The following PHKB variants were observed in gnomAD, a reference collection of about 807,000 sequenced individuals.
PHKB encodes phosphorylase kinase regulatory subunit beta.
PHKB carries 122 observed loss-of-function variants against 152.1 expected under a neutral mutation model. The observed-to-expected ratio is 0.80, with a 90% confidence interval of 0.69 to 0.93. The LOEUF is 0.93. Ranked by LOEUF, PHKB falls within the 40% of genes least tolerant of loss-of-function variation. The pLI is 0.00. For synonymous variants in PHKB, 436 were observed against 464.9 expected (o/e 0.94, Z 0.80); for missense variants, 1,304 against 1,328.4 (o/e 0.98, Z 0.29).
chr16:47,537,119 G>C (rs559689461), intron 6 of PHKB, among the ~76,000 whole-genome samples: 17 of 152,306 alleles, frequency 1.1e-4, no homozygotes, highest in African/African-American at 2.4e-4. Context: ...AAACTTTTTT[G>C]ATTAAAGAAG....
intron 8 of PHKB, among the ~76,000 whole-genome samples, chr16:47,581,932 G>A (rs551585536): frequency 1.3e-5 from 2 of 152,188 alleles, no homozygotes; most frequent in African/African-American, 2.4e-5. Context: ...CACCCATCTC[G>A]GCCTCCCAAA....
chr16:47,666,420 T>C (rs1305300405), intron 25 of PHKB, among the ~76,000 whole-genome samples: 1 of 152,192 alleles, frequency 6.6e-6, no homozygotes, highest in Non-Finnish European at 1.5e-5. Context: ...TTAGAAAGCA[T>C]GGTGTTCATG....
At chr16:47,505,611 C>T (rs767059642) in intron 4 of PHKB, 2 of 152,164 alleles carry the variant, frequency 1.3e-5, no homozygotes, top group Non-Finnish European at 2.9e-5. Flanking sequence ...TTCTAGACCC[C>T]GTGTTTCAGA....
chr16:47,652,609 G>A (rs1481718446), intron 20 of PHKB, among the ~76,000 whole-genome samples: 11 of 151,750 alleles, frequency 7.2e-5, no homozygotes, highest in Admixed American at 2.0e-4. Flanking sequence ...ATGGTATCTC[G>A]TTGTGGGTTG....
At chr16:47,540,336 A>G (rs540575834) in intron 6 of PHKB, among the ~76,000 whole-genome samples, 48 of 149,940 alleles carry the variant, frequency 3.2e-4, no homozygotes, top group African/African-American at 1.1e-3. Context: ...TATCAAGACA[A>G]TACGTGCACA....
In PHKB at chr16:47,461,389, G is replaced by T; in HGVS notation, c.39G>T (p.Trp13Cys). 6.2e-7 allele frequency: 1 copy of T among 1,613,116 alleles called. No homozygotes were observed. Among genetic ancestry groups the T allele is most frequent in the Non-Finnish European group, 8.5e-7 (1 of 1,179,790 alleles). ...CGGGACTCACGGCAGAAGTGAGCTGGAAGGTCTTGGAGCGAAGAGCTCGGA... is the reference window on the plus strand; with the variant it reads ...CGGGACTCACGGCAGAAGTGAGCTGTAAGGTCTTGGAGCGAAGAGCTCGGA... Reference protein sequence around the residue: ...GAAGLTAEVSWKVLERRARTK... With the variant: ...GAAGLTAEVSCKVLERRARTK... The change falls in exon 1 of 31, where the codon TGG becomes TGT. Residue 13 changes from tryptophan (W) to cysteine (C), a missense_variant. Physicochemically the swap from Trp to Cys is radical, Grantham distance 215 (BLOSUM62 -2). Coordinates refer to ENST00000323584, the MANE Select transcript of PHKB (RefSeq NM_000293.3).
chr16:47,471,535 G>A (rs1597010348), intron 1 of PHKB, among the ~76,000 whole-genome samples: 1 of 152,150 alleles, frequency 6.6e-6, no homozygotes, highest in African/African-American at 2.4e-5. Context: ...GCACCATGCT[G>A]GGTGCATAGG....
At chr16:47,520,639 G>T (rs1017096234) in intron 6 of PHKB, among the ~76,000 whole-genome samples, 3 of 152,312 alleles carry the variant, frequency 2.0e-5, no homozygotes, top group African/African-American at 7.2e-5. Flanking sequence ...GTTTATTCAT[G>T]TATAGTTGTT....
intron 1 of PHKB, among the ~76,000 whole-genome samples, chr16:47,473,908 AAATATAT>A (rs1292994249): frequency 2.0e-5 from 3 of 152,118 alleles, no homozygotes; most frequent in Non-Finnish European, 4.4e-5. Context: ...AGCAATTTTG[AAATATAT>A]AACGTTTTAT....
chr16:47,602,850 A>G (rs1972255827), intron 13 of PHKB, among the ~76,000 whole-genome samples: 1 of 151,990 alleles, frequency 6.6e-6, no homozygotes, highest in South Asian at 2.1e-4. Context: ...CTCTGCTTCT[A>G]TTTATAGAGG....
chr16:47,600,895 G>T (rs527454218), intron 13 of PHKB, among the ~76,000 whole-genome samples: 2 of 152,338 alleles, frequency 1.3e-5, no homozygotes, highest in African/African-American at 2.4e-5. Flanking sequence ...CTGTGTCCCA[G>T]CATTTGGGGA....
At chr16:47,490,041 C>G (rs1002616826) in intron 1 of PHKB, among the ~76,000 whole-genome samples, 9 of 152,096 alleles carry the variant, frequency 5.9e-5, no homozygotes, top group Admixed American at 4.6e-4. Context: ...TTCCTTCACA[C>G]TGAAAAACAA....
intron 7 of PHKB, among the ~76,000 whole-genome samples, chr16:47,577,923 G>A (rs1971777283): frequency 6.6e-6 from 1 of 152,008 alleles, no homozygotes; most frequent in Non-Finnish European, 1.5e-5. Flanking sequence ...TTTGCCCTCT[G>A]TCTCTCTCCT....
intron 1 of PHKB, among the ~76,000 whole-genome samples, chr16:47,478,475 T>C (rs1056145222): frequency 6.0e-5 from 9 of 149,892 alleles, no homozygotes; most frequent in Admixed American, 5.3e-4. Context: ...AATTTTTTTT[T>C]TTTTTTTTTT....
chr16:47,635,281 T>A (rs1266429878), intron 14 of PHKB, among the ~76,000 whole-genome samples: 2 of 152,092 alleles, frequency 1.3e-5, no homozygotes, highest in Non-Finnish European at 2.9e-5. Flanking sequence ...GTTGGATAAG[T>A]TTTTTAACCA....
At chr16:47,610,798 A>G (rs1972412665) in intron 13 of PHKB, 28 bp from the exon 14 acceptor site, 2 of 1,328,198 alleles carry the variant, frequency 1.5e-6, no homozygotes, top group Non-Finnish European at 1.1e-6. Context: ...TGCATTTTCG[A>G]TAATGTCATT....
chr16:47,595,559 T>A (rs1466857691), intron 12 of PHKB, among the ~76,000 whole-genome samples: 1 of 152,146 alleles, frequency 6.6e-6, no homozygotes, highest in African/African-American at 2.4e-5. Context: ...TGGTAGATAA[T>A]GGGCTTAATG....
chr16:47,490,739 C>T (rs1490353164), intron 1 of PHKB, among the ~76,000 whole-genome samples: 1 of 152,114 alleles, frequency 6.6e-6, no homozygotes, highest in African/African-American at 2.4e-5. Flanking sequence ...AAGCAAAAAC[C>T]TTTTATAACC....
At chr16:47,650,033 A>C (rs1157093338) in intron 18 of PHKB, among the ~76,000 whole-genome samples, 3 of 152,152 alleles carry the variant, frequency 2.0e-5, no homozygotes, top group African/African-American at 7.2e-5. Flanking sequence ...ATAAATCCCT[A>C]GTAATATGAA....
Sources: allele counts gnomAD v4.1 joint callset (sites outside exome capture counted in the v4.1 genomes callset), GRCh38; gene constraint gnomAD v4.1.1; transcripts MANE v1.5; gene names NCBI Gene and HGNC (gene_info 2026-07-23, HGNC 2026-07-21).